TENM4: variants seen among roughly 807,000 people sequenced by gnomAD.
TENM4 encodes the protein teneurin-4.
In TENM4, 82 loss-of-function variants were observed where a neutral mutation model predicts 243.3. The ratio of observed to expected loss-of-function variants is 0.34; its 90% CI spans 0.28 to 0.40. The LOEUF (loss-of-function observed/expected upper bound fraction) is 0.40. Among genes scored for constraint, TENM4 ranks in the 10% least tolerant of loss-of-function variants. The pLI is 1.00. For missense variants in TENM4, 3,138 were observed against 3,673.3 expected, an observed-to-expected ratio of 0.85 and a Z score of 3.77; for synonymous variants, 1,412 against 1,456.3, an observed-to-expected ratio of 0.97 and a Z score of 0.69.
intron 3 of TENM4, among the ~76,000 whole-genome samples, chr11:79,164,189 T>C (rs1381748314): frequency 8.0e-6 from 1 of 125,458 alleles, no homozygotes; most frequent in Non-Finnish European, 1.6e-5. Context: ...ATAGTGTATA[T>C]ATATACTATA....
chr11:78,824,459 A>G (rs1222812931), intron 12 of TENM4, among the ~76,000 whole-genome samples: 1 of 151,538 alleles, frequency 6.6e-6, no homozygotes. Flanking sequence ...ATCTCCTCCC[A>G]TGATCTAATC....
intron 3 of TENM4, among the ~76,000 whole-genome samples, chr11:79,203,142 T>C (rs10793374): frequency 0.37 from 56,654 of 151,994 alleles, 11,507 homozygotes; most frequent in African/African-American, 0.53. Flanking sequence ...TTGATGAAGA[T>C]GTGGAGAAAC....
intron 2 of TENM4, among the ~76,000 whole-genome samples, chr11:79,290,096 G>A (rs1347149466): frequency 6.6e-6 from 1 of 152,026 alleles, no homozygotes; most frequent in Non-Finnish European, 1.5e-5. Context: ...GCTCCCAGCA[G>A]TTTCTACTTT....
At position 79,409,456 on chromosome 11, in the gene TENM4, G is replaced by GGGC. The variant is rs2135570084; in HGVS notation, c.-321+31050_-321+31052dup. Among the ~76,000 whole-genome samples, 2 of 152,254 alleles carry GGGC rather than the reference G, an allele frequency of 1.3e-5. 1 individual carries two copies. Among genetic ancestry groups the GGGC allele is most frequent in the South Asian group, 4.1e-4 (2 of 4,824 alleles). ...TGGAGAAGGGTTAAAATGGAATGAG[G>GGGC]GGCGGCAGGAATCCAGCGTGGCTAG... On this transcript the variant is annotated intron_variant, in intron 1 of 33. Coordinates refer to ENST00000278550, the MANE Select transcript of TENM4 (RefSeq NM_001098816.3).
intron 6 of TENM4, among the ~76,000 whole-genome samples, chr11:78,936,387 G>A (rs1438997447): frequency 6.6e-6 from 1 of 152,142 alleles, no homozygotes; most frequent in East Asian, 1.9e-4. Flanking sequence ...AGGCAAAAGA[G>A]AAAGAATAAA....
chr11:78,862,322 T>C (rs1244715626), intron 10 of TENM4, among the ~76,000 whole-genome samples: 1 of 152,182 alleles, frequency 6.6e-6, no homozygotes, highest in African/African-American at 2.4e-5. Context: ...CTAGTTTCTA[T>C]ATCTAGAATA....
intron 9 of TENM4, among the ~76,000 whole-genome samples, chr11:78,873,932 G>C (rs1445147653): frequency 6.6e-6 from 1 of 151,788 alleles, no homozygotes; most frequent in Non-Finnish European, 1.5e-5. Flanking sequence ...TCTCTATTAA[G>C]AAAAAATTCC....
chr11:79,346,936 G>A (rs980594999), intron 1 of TENM4, among the ~76,000 whole-genome samples: 5 of 152,096 alleles, frequency 3.3e-5, no homozygotes, highest in African/African-American at 1.2e-4. Context: ...CTCATGGTTC[G>A]GGGTTTCTCT....
At chr11:78,965,709 C>T (rs956283721) in intron 6 of TENM4, among the ~76,000 whole-genome samples, 2 of 152,214 alleles carry the variant, frequency 1.3e-5, no homozygotes, top group East Asian at 3.8e-4. Context: ...CTACGCATTC[C>T]CTGGTCTCTC....
intron 1 of TENM4, among the ~76,000 whole-genome samples, chr11:79,315,454 A>G (rs1269412532): frequency 6.6e-6 from 1 of 152,220 alleles, no homozygotes; most frequent in Non-Finnish European, 1.5e-5. Flanking sequence ...AGAGAGGTCA[A>G]ACACAGGGTG....
At chr11:79,313,586 T>A (rs548452572) in intron 1 of TENM4, among the ~76,000 whole-genome samples, 7 of 152,306 alleles carry the variant, frequency 4.6e-5, no homozygotes, top group Non-Finnish European at 8.8e-5. Context: ...TCCTAACAAA[T>A]TTCCTTTGAC....
chr11:79,061,965 ATTTT>A (rs10647135), intron 6 of TENM4, among the ~76,000 whole-genome samples: 1 of 143,286 alleles, frequency 7.0e-6, no homozygotes, highest in African/African-American at 2.6e-5. Context: ...GGTGGCAACT[ATTTT>A]TTTTTTTTTT....
intron 23 of TENM4, among the ~76,000 whole-genome samples, chr11:78,725,432 G>T (rs1300605246): frequency 6.6e-6 from 1 of 152,146 alleles, no homozygotes; most frequent in Non-Finnish European, 1.5e-5. Context: ...AGATCTGATG[G>T]TGCCACTCGC....
intron 3 of TENM4, among the ~76,000 whole-genome samples, chr11:79,155,695 C>CCCTCCTTT (rs1308499890): frequency 1.4e-5 from 2 of 140,358 alleles, no homozygotes; most frequent in South Asian, 2.6e-4. Context: ...TCTCCCCCTC[C>CCCTCCTTT]CCTCCTTTCC....
chr11:79,196,595 T>C (rs916426472), intron 3 of TENM4, among the ~76,000 whole-genome samples: 26 of 152,272 alleles, frequency 1.7e-4, no homozygotes, highest in African/African-American at 6.3e-4. Flanking sequence ...CCGTTTGCCA[T>C]TCCTATCATG....
intron 1 of TENM4, among the ~76,000 whole-genome samples, chr11:79,393,010 C>G (rs553375831): frequency 1.3e-5 from 2 of 152,250 alleles, no homozygotes; most frequent in East Asian, 3.9e-4. Context: ...GCCCTAGTGT[C>G]ATTTCCCAAA....
chr11:79,272,510 G>A (rs1359063003), intron 2 of TENM4, among the ~76,000 whole-genome samples: 1 of 151,982 alleles, frequency 6.6e-6, no homozygotes, highest in Admixed American at 6.6e-5. Flanking sequence ...TGAAATCCAG[G>A]GCACATCTCG....
chr11:78,909,717 C>A (rs1204116373), intron 6 of TENM4, among the ~76,000 whole-genome samples: 1 of 152,234 alleles, frequency 6.6e-6, no homozygotes, highest in African/African-American at 2.4e-5. Context: ...GTCTGAGGGG[C>A]ATTCTAGGCA....
intron 3 of TENM4, among the ~76,000 whole-genome samples, chr11:79,155,370 G>C (rs1285471377): frequency 8.4e-6 from 1 of 118,658 alleles, no homozygotes; most frequent in Non-Finnish European, 1.8e-5. Context: ...TTTTTTTTTT[G>C]GCTTGAAATA....
Sources: gnomAD v4.1 joint callset for allele counts (sites outside exome capture counted in the v4.1 genomes callset) on GRCh38, gnomAD v4.1.1 for gene constraint, MANE v1.5 for transcripts, NCBI Gene and HGNC (gene_info 2026-07-23, HGNC 2026-07-21) for gene names.